KIF16B: variants seen among roughly 807,000 people sequenced by gnomAD.
KIF16B encodes kinesin family member 16B.
A neutral mutation model predicts 156.3 loss-of-function variants in KIF16B; 98 were observed. The observed-to-expected ratio is 0.63, with a 90% confidence interval of 0.53 to 0.74. The LOEUF is 0.74. Among genes scored for constraint, KIF16B ranks in the 30% least tolerant of loss-of-function variants. The probability of loss-of-function intolerance (pLI) is 0.00; values close to 1 mark genes in which losing one functional copy is unlikely to be tolerated. For missense variants in KIF16B, 1,421 were observed against 1,606.5 expected (o/e 0.88, Z 1.97); for synonymous variants, 564 against 583.7 (o/e 0.97, Z 0.49).
chr20:16,516,680 C>A (rs1342712119), intron 3 of KIF16B, among the ~76,000 whole-genome samples: 1 of 152,200 alleles, frequency 6.6e-6, no homozygotes, highest in East Asian at 1.9e-4. Flanking sequence ...CATCAGCCAA[C>A]TCATGGGACC....
chr20:16,299,941 A>T (rs1005122070), intron 25 of KIF16B, among the ~76,000 whole-genome samples: 1 of 152,186 alleles, frequency 6.6e-6, no homozygotes. Flanking sequence ...ATACTACAAG[A>T]TAGAAGAACA....
In KIF16B at chr20:16,366,948, T is replaced by G. The variant is rs145599316; in HGVS notation, c.3498+3638A>C. 5 of 1,252,418 alleles carry G rather than the reference T, an allele frequency of 4.0e-6. No individual in the cohort carries two copies. The East Asian group carries it at 1.5e-4, about 38-fold the overall frequency. 77.6% of individuals were successfully genotyped at this position (1,252,418 alleles called of 1,614,324 possible). A position where few individuals can be genotyped will look rare whatever the true frequency, so the allele number is the denominator to read the frequency against. Reference sequence around the variant, plus strand: ...CAAGGTGATGATAAAGATATTTTATTGGGGCTCTGCTATTAGCTGTTTTTA... The same window carrying G: ...CAAGGTGATGATAAAGATATTTTATGGGGGCTCTGCTATTAGCTGTTTTTA... On this transcript the variant is annotated intron_variant, in intron 22 of 25. Coordinates refer to ENST00000354981, the MANE Select transcript of KIF16B (RefSeq NM_024704.5).
At chr20:16,456,687 T>C (rs2067220904) in intron 12 of KIF16B, among the ~76,000 whole-genome samples, 1 of 152,152 alleles carries the variant, frequency 6.6e-6, no homozygotes, top group African/African-American at 2.4e-5. Flanking sequence ...TCAGAGACCA[T>C]GACATTACAA....
intron 12 of KIF16B, among the ~76,000 whole-genome samples, chr20:16,437,603 C>T (rs1286063359): frequency 1.1e-5 from 1 of 88,380 alleles, no homozygotes; most frequent in East Asian, 3.5e-4. Flanking sequence ...TAAAGACATT[C>T]TCCTCAAGTG....
Position 16,378,956 on chromosome 20 carries a change from G to A in KIF16B, c.3046C>T (p.His1016Tyr), listed in dbSNP as rs1036642139. ...ERALARLERR[H>Y]SALQRHSTLG... Reference sequence around the variant, plus strand: ...GTGGAGTGCCTCTGCAGCGCAGAATGTCTCCTCTCCAGCCTGGCCAGGGCC... The same window carrying A: ...GTGGAGTGCCTCTGCAGCGCAGAATATCTCCTCTCCAGCCTGGCCAGGGCC... The change falls in exon 19 of 26, where the codon CAT becomes TAT. Residue 1016 changes from histidine to tyrosine, a missense_variant. Coordinates refer to ENST00000354981, the MANE Select transcript of KIF16B (RefSeq NM_024704.5). 1.9e-6 allele frequency: 3 copies of A among 1,614,108 alleles called. No homozygotes were observed. The highest frequency in any genetic ancestry group is 8.5e-7 in the Non-Finnish European group (1 of 1,179,976).
intron 1 of KIF16B, among the ~76,000 whole-genome samples, chr20:16,545,407 G>A (rs1208923955): frequency 6.6e-6 from 1 of 151,236 alleles, no homozygotes; most frequent in East Asian, 1.9e-4. Flanking sequence ...GCTCCCGCCT[G>A]TAATCCCAGC....
chr20:16,368,608 T>C, intron 22 of KIF16B: 1 of 985,904 alleles, frequency 1.0e-6, no homozygotes, highest in South Asian at 4.7e-5. Flanking sequence ...TCCCAGTCCA[T>C]TGTTTCCTTC....
chr20:16,310,019 G>A (rs1054030992), intron 25 of KIF16B, among the ~76,000 whole-genome samples: 8 of 152,234 alleles, frequency 5.3e-5, no homozygotes, highest in Non-Finnish European at 8.8e-5. Flanking sequence ...TATGAAAATA[G>A]TCGCAGGGAA....
intron 1 of KIF16B, among the ~76,000 whole-genome samples, chr20:16,552,802 A>G (rs1438420172): frequency 2.0e-5 from 3 of 151,914 alleles, no homozygotes; most frequent in Non-Finnish European, 4.4e-5. Flanking sequence ...ATTTTAATTT[A>G]TTATTTTTTT....
chr20:16,481,358 T>C (rs933336972), intron 12 of KIF16B, among the ~76,000 whole-genome samples: 2 of 152,076 alleles, frequency 1.3e-5, no homozygotes, highest in African/African-American at 4.8e-5. Flanking sequence ...ACCTGTCTGG[T>C]TAATTTTTTT....
chr20:16,505,493 A>G (rs148574272), intron 9 of KIF16B, among the ~76,000 whole-genome samples: 9 of 152,384 alleles, frequency 5.9e-5, no homozygotes, highest in South Asian at 2.1e-4. Flanking sequence ...GTCTTCGTGC[A>G]TGTTATCACA....
chr20:16,470,521 T>A (rs150993383), intron 12 of KIF16B, among the ~76,000 whole-genome samples: 2 of 152,060 alleles, frequency 1.3e-5, no homozygotes, highest in African/African-American at 2.4e-5. Context: ...TCTCACTCCA[T>A]CACCCAGGTT....
At chr20:16,332,823 T>C (rs949512682) in intron 24 of KIF16B, among the ~76,000 whole-genome samples, 1 of 132,088 alleles carries the variant, frequency 7.6e-6, no homozygotes, top group Non-Finnish European at 1.7e-5. Flanking sequence ...AGAAGGTTCA[T>C]AATATCTTTC....
At chr20:16,290,299 C>A (rs1251874630) in intron 25 of KIF16B, among the ~76,000 whole-genome samples, 4 of 152,240 alleles carry the variant, frequency 2.6e-5, no homozygotes, top group Admixed American at 2.6e-4. Flanking sequence ...GTCTCCCCTT[C>A]AGGGGAACTC....
chr20:16,392,500 T>C lies in KIF16B; in HGVS notation c.1785-10753A>G, dbSNP rs1379296069. 5.9e-5 allele frequency among the ~76,000 whole-genome samples: 9 copies of C among 152,270 alleles called. 1 individual carries two copies. In the East Asian group the frequency reaches 1.7e-3, roughly 29 times the overall value. On this transcript the variant is annotated intron_variant, in intron 17 of 25. Transcript: ENST00000354981. ...AACTTGAAGATGCAAAAGAGATTCA[T>C]AAAAGGCACCGCAGTTCCTCTGCCA... is the stretch of plus-strand genomic sequence containing the variant.
intron 1 of KIF16B, among the ~76,000 whole-genome samples, chr20:16,533,097 C>T (rs1034443251): frequency 5.9e-5 from 9 of 152,240 alleles, no homozygotes; most frequent in African/African-American, 1.7e-4. Flanking sequence ...AAAATGAAAA[C>T]TGAAGATGCA....
chr20:16,344,124 CA>C (rs2064188506), intron 23 of KIF16B, among the ~76,000 whole-genome samples: 1 of 152,164 alleles, frequency 6.6e-6, no homozygotes, highest in African/African-American at 2.4e-5. Flanking sequence ...AAGTCTTATG[CA>C]GCAACATAAC....
intron 19 of KIF16B, among the ~76,000 whole-genome samples, chr20:16,375,954 T>C (rs1003813101): frequency 2.6e-5 from 4 of 152,288 alleles, no homozygotes; most frequent in African/African-American, 7.2e-5. Context: ...GGTGATGAGA[T>C]TGAGATCTGA....
At chr20:16,303,805 CAG>C (rs1390620435) in intron 25 of KIF16B, among the ~76,000 whole-genome samples, 3 of 152,154 alleles carry the variant, frequency 2.0e-5, no homozygotes, top group African/African-American at 7.2e-5. Context: ...CAAGAAATAA[CAG>C]GGGAAATCTG....
Sources: allele counts gnomAD v4.1 joint callset (sites outside exome capture counted in the v4.1 genomes callset), GRCh38; gene constraint gnomAD v4.1.1; transcripts MANE v1.5; gene names NCBI Gene and HGNC (gene_info 2026-07-23, HGNC 2026-07-21).